Variants in MMS22L observed in about 807,000 individuals in gnomAD.
MMS22L encodes the protein MMS22 like, DNA repair protein, also known as protein MMS22-like.
A neutral mutation model predicts 159.1 loss-of-function variants in MMS22L; 74 were observed. That is an observed-to-expected ratio of 0.47 (90% confidence interval 0.39 to 0.56). The LOEUF (loss-of-function observed/expected upper bound fraction) is 0.56, where lower values mean the gene tolerates loss of function less well. MMS22L is among the 20% of genes least tolerant of loss of function. MMS22L has a pLI of 0.00. For missense variants in MMS22L, 1,351 were observed against 1,422.1 expected, an observed-to-expected ratio of 0.95 and a Z score of 0.80; for synonymous variants, 517 against 506.9, an observed-to-expected ratio of 1.02 and a Z score of -0.27.
At chr6:97,181,672 T>C (rs1358425823) in intron 16 of MMS22L, among the ~76,000 whole-genome samples, 2 of 152,150 alleles carry the variant, frequency 1.3e-5, no homozygotes, top group Admixed American at 6.5e-5. Context: ...AAAAACAGTT[T>C]TGAAAGGGCT....
intron 4 of MMS22L, among the ~76,000 whole-genome samples, chr6:97,277,072 A>G (rs1816305874): frequency 6.6e-6 from 1 of 152,258 alleles, no homozygotes; most frequent in Non-Finnish European, 1.5e-5. Flanking sequence ...GCTGATAGCT[A>G]ACAGCTAGGC....
At chr6:97,257,875 T>C (rs1813997629) in intron 9 of MMS22L, among the ~76,000 whole-genome samples, 1 of 152,224 alleles carries the variant, frequency 6.6e-6, no homozygotes, top group Non-Finnish European at 1.5e-5. Flanking sequence ...TTGATAAATA[T>C]TATGTAAAGA....
chr6:97,202,958 A>G (rs1333065174), intron 14 of MMS22L, among the ~76,000 whole-genome samples: 1 of 152,182 alleles, frequency 6.6e-6, no homozygotes, highest in Non-Finnish European at 1.5e-5. Context: ...TAAGGTTTCC[A>G]GCCTTGTTTT....
chr6:97,153,476 A>G (rs1801535240), intron 22 of MMS22L, among the ~76,000 whole-genome samples: 1 of 148,652 alleles, frequency 6.7e-6, no homozygotes, highest in Admixed American at 6.9e-5. Flanking sequence ...GGTTCAAGCA[A>G]TTCTCCTGCC....
intron 14 of MMS22L, among the ~76,000 whole-genome samples, chr6:97,225,681 T>A (rs2127989674): frequency 6.6e-6 from 1 of 152,044 alleles, no homozygotes; most frequent in Non-Finnish European, 1.5e-5. Flanking sequence ...CAGGCCATTC[T>A]CCTGACTCAG....
chr6:97,274,868 T>C (rs1816103635), intron 4 of MMS22L, among the ~76,000 whole-genome samples: 1 of 152,116 alleles, frequency 6.6e-6, no homozygotes, highest in African/African-American at 2.4e-5. Context: ...AGCCAGGGAA[T>C]AGTTCAAGTT....
chr6:97,253,087 G>C (rs1296032286), intron 10 of MMS22L, among the ~76,000 whole-genome samples: 3 of 152,118 alleles, frequency 2.0e-5, no homozygotes, highest in Non-Finnish European at 4.4e-5. Context: ...TAAATTGGTA[G>C]AATACTCAAA....
intron 14 of MMS22L, among the ~76,000 whole-genome samples, chr6:97,209,913 T>C (rs1443530502): frequency 6.6e-6 from 1 of 151,964 alleles, no homozygotes; most frequent in African/African-American, 2.4e-5. Flanking sequence ...TTTAGTAAAA[T>C]TTAATTTAAT....
At chr6:97,151,917 G>A in intron 22 of MMS22L, 50 bp from the exon 23 acceptor site, 1 of 1,385,868 alleles carries the variant, frequency 7.2e-7, no homozygotes, top group Non-Finnish European at 1.0e-6. Context: ...TTGACCATCT[G>A]GATCCTCATT....
At chr6:97,202,234 G>A (rs765249880) in intron 14 of MMS22L, among the ~76,000 whole-genome samples, 1 of 152,112 alleles carries the variant, frequency 6.6e-6, no homozygotes, top group Non-Finnish European at 1.5e-5. Flanking sequence ...TACTATTCAG[G>A]CCTTCCTAGG....
chr6:97,261,811 A>C (rs933290707), intron 9 of MMS22L: 3 of 152,082 alleles, frequency 2.0e-5, no homozygotes, highest in East Asian at 3.8e-4. Context: ...AATGCCTTGA[A>C]ATTTTTTTTT....
intron 9 of MMS22L, chr6:97,259,642 G>A (rs1243881018): frequency 1.3e-5 from 2 of 151,794 alleles, no homozygotes; most frequent in Non-Finnish European, 2.9e-5. Context: ...GCCAACCTCA[G>A]ATTCGGGACT....
At chr6:97,219,730 T>G (rs1809419281) in intron 14 of MMS22L, among the ~76,000 whole-genome samples, 1 of 152,168 alleles carries the variant, frequency 6.6e-6, no homozygotes, top group Non-Finnish European at 1.5e-5. Context: ...ATACAATGTT[T>G]TGACAGCAGC....
chr6:97,262,454 G>A (rs1042974769), intron 9 of MMS22L, among the ~76,000 whole-genome samples: 1 of 151,874 alleles, frequency 6.6e-6, no homozygotes, highest in Non-Finnish European at 1.5e-5. Flanking sequence ...AGACCAGCCT[G>A]GGCAACATGG....
intron 4 of MMS22L, among the ~76,000 whole-genome samples, chr6:97,278,246 T>C (rs1816430636): frequency 6.6e-6 from 1 of 151,712 alleles, no homozygotes; most frequent in African/African-American, 2.4e-5. Flanking sequence ...CTACTAAAAA[T>C]ATAAAAATTA....
At chr6:97,272,916 T>C in intron 5 of MMS22L, 35 bp from the exon 6 acceptor site, 1 of 1,606,860 alleles carries the variant, frequency 6.2e-7, no homozygotes, top group Non-Finnish European at 8.5e-7. Context: ...ACAACTAGAG[T>C]CTGTGTGAAT....
At chr6:97,257,583 C>A (rs1001624337) in intron 9 of MMS22L, among the ~76,000 whole-genome samples, 2 of 152,114 alleles carry the variant, frequency 1.3e-5, no homozygotes, top group African/African-American at 4.8e-5. Flanking sequence ...AGGCATGCCA[C>A]CACCACACAT....
At position 97,149,927 on chromosome 6, in the gene MMS22L, G is replaced by C. The variant is rs112799955; in HGVS notation, c.3576C>G (p.His1192Gln). The C allele has an allele frequency of 1.3e-3, 2,120 of 1,613,656 alleles. 24 individuals are homozygous for C. The African/African-American group carries it at 0.025, about 19-fold the overall frequency. ...GAGACTGAGTAAGGGTAGAAATCAA[G>C]TGGATGACAACCTGCTGGTCCAATG... ...VATLDQQVVIHLISTLTQSLK... is the reference protein window; with the variant it reads ...VATLDQQVVIQLISTLTQSLK... Residue 1192 changes from histidine (H) to glutamine (Q), a missense_variant, in exon 24 of 25, where the codon CAC becomes CAG. By Grantham distance (24) the His-to-Gln change is conservative. Transcript: ENST00000683635.
intron 14 of MMS22L, among the ~76,000 whole-genome samples, chr6:97,227,710 T>C (rs1205699309): frequency 6.6e-6 from 1 of 152,160 alleles, no homozygotes; most frequent in African/African-American, 2.4e-5. Context: ...TAATATGATA[T>C]TAGGAGGAGG....
Sources: gnomAD v4.1 joint callset for allele counts (sites outside exome capture counted in the v4.1 genomes callset) on GRCh38, gnomAD v4.1.1 for gene constraint, MANE v1.5 for transcripts, NCBI Gene and HGNC (gene_info 2026-07-23, HGNC 2026-07-21) for gene names.